Variants in NEK7 observed in about 807,000 individuals in gnomAD.
NEK7 encodes serine/threonine-protein kinase Nek7.
Under a neutral mutation model 44.6 loss-of-function variants are expected in NEK7, and 18 were observed. That is an observed-to-expected ratio of 0.40 (90% CI 0.28 to 0.60). NEK7 has a LOEUF of 0.60. Ranked by LOEUF, NEK7 falls within the 20% of genes least tolerant of loss-of-function variation. The pLI, the probability that NEK7 is intolerant of heterozygous loss-of-function variation, is 0.38. For missense variants in NEK7, 256 were observed against 366.5 expected (o/e 0.70, Z 2.46); for synonymous variants, 130 against 121.1 (o/e 1.07, Z -0.48).
intron 9 of NEK7, among the ~76,000 whole-genome samples, chr1:198,305,268 C>A (rs1654991486): frequency 6.6e-6 from 1 of 152,126 alleles, no homozygotes; most frequent in African/African-American, 2.4e-5. Flanking sequence ...TGAAACCTGA[C>A]ATGAAGGAAT....
At chr1:198,248,595 T>G (rs1046666904) in intron 2 of NEK7, among the ~76,000 whole-genome samples, 1 of 152,198 alleles carries the variant, frequency 6.6e-6, no homozygotes, top group African/African-American at 2.4e-5. Flanking sequence ...TCAAAAAATG[T>G]TATTTAATGA....
Position 198,267,556 on chromosome 1 carries a change from G to C in NEK7, c.372+3321G>C, listed in dbSNP as rs12062291. Among the ~76,000 whole-genome samples the C allele has an allele frequency of 6.4e-3, 979 of 152,100 alleles. 17 individuals are homozygous for C. Among genetic ancestry groups the C allele is most frequent in the African/African-American group, 0.023 (954 of 41,496 alleles). On this transcript the variant is annotated intron_variant, in intron 5 of 9. Coordinates refer to ENST00000367385, the MANE Select transcript of NEK7 (RefSeq NM_133494.3). ...CCTCCCAGGTTCAAGCAATTCTCCT[G>C]TCTCTGCCTCCCTAGTAGCTAGGAC...
intron 1 of NEK7, among the ~76,000 whole-genome samples, chr1:198,176,184 T>C (rs1009247679): frequency 6.6e-6 from 1 of 152,208 alleles, no homozygotes; most frequent in African/African-American, 2.4e-5. Context: ...GTGCCGAAGG[T>C]ATAAAAATGA....
At chr1:198,274,116 A>C (rs1401905186) in intron 5 of NEK7, among the ~76,000 whole-genome samples, 3 of 151,142 alleles carry the variant, frequency 2.0e-5, no homozygotes, top group Non-Finnish European at 4.4e-5. Context: ...ACTTCCTCTT[A>C]CTAGATACTT....
chr1:198,245,401 A>G (rs1228603274), intron 2 of NEK7: 2 of 169,184 alleles, frequency 1.2e-5, no homozygotes, highest in East Asian at 3.9e-4. Context: ...ACTACTGTCA[A>G]TTGCTACAGA....
At chr1:198,254,285 C>T (rs901156454) in intron 3 of NEK7, among the ~76,000 whole-genome samples, 3 of 152,126 alleles carry the variant, frequency 2.0e-5, no homozygotes, top group African/African-American at 4.8e-5. Context: ...GTGTGTGCTA[C>T]TCCCTTCCCT....
intron 1 of NEK7, among the ~76,000 whole-genome samples, chr1:198,193,026 GTT>G (rs142940850): frequency 1.4e-5 from 2 of 143,902 alleles, no homozygotes; most frequent in Admixed American, 7.0e-5. Flanking sequence ...TCCAGGAGCG[GTT>G]TTTTTTTTTT....
chr1:198,309,664 A>C (rs560887520), intron 9 of NEK7, among the ~76,000 whole-genome samples: 1 of 151,458 alleles, frequency 6.6e-6, no homozygotes, highest in South Asian at 2.1e-4. Flanking sequence ...TCATTGTTCA[A>C]TTCCCACCTA....
chr1:198,214,467 TG>T (rs1665860907), intron 1 of NEK7, among the ~76,000 whole-genome samples: 1 of 152,174 alleles, frequency 6.6e-6, no homozygotes, highest in Non-Finnish European at 1.5e-5. Flanking sequence ...TCTAAAGAGA[TG>T]GATATTTTAA....
At chr1:198,181,792 A>T (rs1571507397) in intron 1 of NEK7, among the ~76,000 whole-genome samples, 1 of 152,254 alleles carries the variant, frequency 6.6e-6, no homozygotes, top group East Asian at 1.9e-4. Flanking sequence ...TGGATGATGG[A>T]CTAATCTATG....
At chr1:198,310,109 T>A (rs1655132598) in intron 9 of NEK7, among the ~76,000 whole-genome samples, 2 of 152,204 alleles carry the variant, frequency 1.3e-5, no homozygotes, top group South Asian at 4.2e-4. Context: ...GCACCTGTTG[T>A]TTCCTGACTT....
At chr1:198,228,834 C>T (rs943056869) in intron 1 of NEK7, among the ~76,000 whole-genome samples, 48 of 152,280 alleles carry the variant, frequency 3.2e-4, no homozygotes, top group African/African-American at 9.1e-4. Flanking sequence ...TTGACTTCCT[C>T]TTTTCCTAAT....
intron 1 of NEK7, among the ~76,000 whole-genome samples, chr1:198,223,792 G>A (rs1488503276): frequency 6.6e-6 from 1 of 152,008 alleles, no homozygotes; most frequent in East Asian, 1.9e-4. Flanking sequence ...AAGACTTTTT[G>A]GATGAGATTA....
At chr1:198,278,126 A>G (rs1048743240) in intron 6 of NEK7, 57 bp downstream of exon 6, 7 of 922,898 alleles carry the variant, frequency 7.6e-6, no homozygotes, top group East Asian at 2.4e-5. Context: ...AAGTTCTTCA[A>G]AGTAAATGTC....
intron 9 of NEK7, among the ~76,000 whole-genome samples, chr1:198,312,211 C>G (rs548880954): frequency 6.6e-6 from 1 of 151,914 alleles, no homozygotes; most frequent in Non-Finnish European, 1.5e-5. Flanking sequence ...TCTAGATTTT[C>G]TAGTTTATTT....
At chr1:198,175,894 A>G (rs992802969) in intron 1 of NEK7, among the ~76,000 whole-genome samples, 1 of 152,186 alleles carries the variant, frequency 6.6e-6, no homozygotes, top group Non-Finnish European at 1.5e-5. Context: ...TCTTCCAGCC[A>G]TTCTTTTACA....
chr1:198,207,639 A>G (rs764750713), intron 1 of NEK7, among the ~76,000 whole-genome samples: 2 of 152,182 alleles, frequency 1.3e-5, no homozygotes, highest in Admixed American at 1.3e-4. Flanking sequence ...AGATAAAACT[A>G]TAGGGACAGA....
intron 1 of NEK7, among the ~76,000 whole-genome samples, chr1:198,173,607 G>A (rs1664515217): frequency 1.3e-5 from 2 of 151,918 alleles, no homozygotes; most frequent in African/African-American, 4.8e-5. Flanking sequence ...TGTTTTTAAA[G>A]CCTCTTAGTA....
intron 1 of NEK7, among the ~76,000 whole-genome samples, chr1:198,160,277 T>A (rs1287871212): frequency 6.6e-6 from 1 of 151,992 alleles, no homozygotes; most frequent in African/African-American, 2.4e-5. Flanking sequence ...AAAAAGTAGG[T>A]AATTCCAAAA....
Sources: gnomAD v4.1 joint callset for allele counts (sites outside exome capture counted in the v4.1 genomes callset) on GRCh38, gnomAD v4.1.1 for gene constraint, MANE v1.5 for transcripts, NCBI Gene and HGNC (gene_info 2026-07-23, HGNC 2026-07-21) for gene names.